The following MEIS2 variants were observed in gnomAD, a reference collection of about 807,000 sequenced individuals.
The protein encoded by MEIS2 is homeobox protein Meis2.
MEIS2 carries 9 observed loss-of-function variants against 58.6 expected under a neutral mutation model. The ratio of observed to expected loss-of-function variants is 0.15; its 90% confidence interval spans 0.09 to 0.27. The LOEUF is 0.27. Among genes scored for constraint, MEIS2 ranks in the 10% least tolerant of loss-of-function variants. The pLI is 1.00. For synonymous variants in MEIS2, 221 were observed against 228.4 expected (o/e 0.97, Z 0.29); for missense variants, 427 against 635.0 (o/e 0.67, Z 3.52).
At chr15:37,084,773 G>A (rs1045573552) in intron 6 of MEIS2, among the ~76,000 whole-genome samples, 37 of 152,134 alleles carry the variant, frequency 2.4e-4, no homozygotes, top group African/African-American at 8.7e-4. Flanking sequence ...GTTGCTTAAA[G>A]GAAAACAGGA....
chr15:36,965,713 A>G (rs1278435836), intron 8 of MEIS2, among the ~76,000 whole-genome samples: 1 of 152,224 alleles, frequency 6.6e-6, no homozygotes, highest in Admixed American at 6.5e-5. Flanking sequence ...ACTTTTCCCT[A>G]GCCCAGGCTA....
At chr15:37,029,969 G>T (rs997777497) in intron 8 of MEIS2, among the ~76,000 whole-genome samples, 1 of 152,138 alleles carries the variant, frequency 6.6e-6, no homozygotes, top group Non-Finnish European at 1.5e-5. Context: ...TTTGAGACCA[G>T]CCTGGGCAAC....
chr15:37,016,391 T>G (rs1239604901), intron 8 of MEIS2, among the ~76,000 whole-genome samples: 1 of 151,980 alleles, frequency 6.6e-6, no homozygotes, highest in Non-Finnish European at 1.5e-5. Context: ...TATCAAAGGC[T>G]AGTGCTGTTG....
chr15:36,932,407 T>A (rs1436313932), intron 9 of MEIS2, among the ~76,000 whole-genome samples: 4 of 152,230 alleles, frequency 2.6e-5, no homozygotes, highest in African/African-American at 7.2e-5. Flanking sequence ...ATTTTATGAA[T>A]TTAAAATCTA....
At chr15:37,053,502 AC>A (rs1243438854) in intron 7 of MEIS2, among the ~76,000 whole-genome samples, 1 of 152,076 alleles carries the variant, frequency 6.6e-6, no homozygotes, top group Non-Finnish European at 1.5e-5. Flanking sequence ...TGTCCGATTT[AC>A]CTTATGCACA....
intron 8 of MEIS2, among the ~76,000 whole-genome samples, chr15:36,951,007 T>A (rs2141391646): frequency 6.6e-6 from 1 of 152,254 alleles, no homozygotes; most frequent in South Asian, 2.1e-4. Flanking sequence ...CTGTTACTGC[T>A]CTAACAGGGT....
chr15:36,946,646 C>G (rs1289431148), intron 9 of MEIS2, among the ~76,000 whole-genome samples: 1 of 151,910 alleles, frequency 6.6e-6, no homozygotes, highest in Non-Finnish European at 1.5e-5. Flanking sequence ...CTTATTTTAA[C>G]TATTTTAACA....
At chr15:36,990,947 G>A (rs2060250175) in intron 8 of MEIS2, among the ~76,000 whole-genome samples, 1 of 152,128 alleles carries the variant, frequency 6.6e-6, no homozygotes, top group South Asian at 2.1e-4. Context: ...TTCCTGAAAT[G>A]AATAAATGAA....
At chr15:37,014,844 G>A (rs1357919105) in intron 8 of MEIS2, among the ~76,000 whole-genome samples, 1 of 40,696 alleles carries the variant, frequency 2.5e-5, no homozygotes, top group Non-Finnish European at 6.0e-5. Context: ...TAGGTCTAAG[G>A]GTTTTTTTTT....
chr15:37,096,882 C>T (rs890005963), intron 2 of MEIS2, among the ~76,000 whole-genome samples: 2 of 152,166 alleles, frequency 1.3e-5, no homozygotes, highest in African/African-American at 2.4e-5. Flanking sequence ...TTTTAATGGG[C>T]ATTTCAGACG....
chr15:37,049,772 C>A (rs2062837309), intron 7 of MEIS2, among the ~76,000 whole-genome samples: 1 of 151,400 alleles, frequency 6.6e-6, no homozygotes, highest in Admixed American at 6.6e-5. Context: ...CAGGCGTGAG[C>A]CACCGCAGCT....
intron 9 of MEIS2, among the ~76,000 whole-genome samples, chr15:36,906,661 A>AC (rs2056755375): frequency 2.0e-5 from 3 of 151,620 alleles, no homozygotes; most frequent in South Asian, 2.1e-4. Context: ...GAAAAAAAAA[A>AC]AAAAAAAAAA....
Position 36,914,041 on chromosome 15 carries a change from C to T in MEIS2, c.978-17355G>A, listed in dbSNP as rs1287248579. Among the ~76,000 whole-genome samples the T allele has an allele frequency of 9.2e-5, 14 of 152,286 alleles. No homozygotes were observed. In the East Asian group the frequency reaches 1.4e-3, roughly 15 times the overall value. On this transcript the variant is annotated intron_variant, in intron 9 of 11. Coordinates refer to ENST00000561208, the MANE Select transcript of MEIS2 (RefSeq NM_170675.5). ...GCCATCCTCACCTCCAAGGTCAAAG[C>T]GATTGGTGGTATGGTGGGATCTGAG...
intron 7 of MEIS2, among the ~76,000 whole-genome samples, chr15:37,042,254 T>C (rs2062458218): frequency 6.6e-6 from 1 of 152,204 alleles, no homozygotes; most frequent in East Asian, 1.9e-4. Flanking sequence ...ATCAAGCACA[T>C]GATTTGGAAT....
At chr15:36,951,983 A>C (rs2058763784) in intron 8 of MEIS2, among the ~76,000 whole-genome samples, 1 of 152,162 alleles carries the variant, frequency 6.6e-6, no homozygotes, top group African/African-American at 2.4e-5. Flanking sequence ...GCATCCTATG[A>C]GGCTGCTTTG....
intron 8 of MEIS2, among the ~76,000 whole-genome samples, chr15:37,034,062 CA>C (rs2062043645): frequency 6.6e-6 from 1 of 151,700 alleles, no homozygotes; most frequent in Admixed American, 6.6e-5. Context: ...ATGAAAGGGG[CA>C]TGTTGTGAAG....
At chr15:36,920,112 T>C (rs2057438813) in intron 9 of MEIS2, among the ~76,000 whole-genome samples, 1 of 149,978 alleles carries the variant, frequency 6.7e-6, no homozygotes. Context: ...TAGCAACCTA[T>C]ACTGCTTTTA....
At chr15:37,044,370 A>G (rs1304588512) in intron 7 of MEIS2, among the ~76,000 whole-genome samples, 2 of 152,142 alleles carry the variant, frequency 1.3e-5, no homozygotes, top group Non-Finnish European at 2.9e-5. Flanking sequence ...TTAAATATGA[A>G]CCGAGAAACA....
At chr15:36,954,829 T>C (rs543292704) in intron 8 of MEIS2, among the ~76,000 whole-genome samples, 2 of 152,326 alleles carry the variant, frequency 1.3e-5, no homozygotes, top group South Asian at 2.1e-4. Context: ...AAACTGATCA[T>C]TATGCATGGA....
Sources: gnomAD v4.1 joint callset for allele counts (sites outside exome capture counted in the v4.1 genomes callset) on GRCh38, gnomAD v4.1.1 for gene constraint, MANE v1.5 for transcripts, NCBI Gene and HGNC (gene_info 2026-07-23, HGNC 2026-07-21) for gene names.